The following MRAP variants were observed in gnomAD, a reference collection of about 807,000 sequenced individuals.
MRAP encodes the protein melanocortin 2 receptor accessory protein.
MRAP carries 8 observed loss-of-function variants against 8.7 expected under a neutral mutation model. That is an observed-to-expected ratio of 0.92 (90% CI 0.54 to 1.66). The LOEUF is 1.66. MRAP is among the 40% of genes most tolerant of loss of function. The pLI, the probability that MRAP is intolerant of heterozygous loss-of-function variation, is 0.00. For synonymous variants in MRAP, 95 were observed against 95.5 expected (o/e 1.00, Z 0.03); for missense variants, 237 against 217.1 (o/e 1.09, Z -0.58).
chr21:32,305,049 T>C (rs535022960), intron 1 of MRAP, among the ~76,000 whole-genome samples: 8 of 144,018 alleles, frequency 5.6e-5, no homozygotes, highest in Non-Finnish European at 1.2e-4. Flanking sequence ...CGTAGCTCAC[T>C]TCAGCCTTGA....
Position 32,312,001 on chromosome 21 carries a change from A to G in MRAP, c.*5A>G, listed in dbSNP as rs1423229694. The G allele has an allele frequency of 6.2e-7, 1 of 1,613,114 alleles. No individual in the cohort carries two copies. The highest frequency in any genetic ancestry group is 2.2e-5 in the East Asian group (1 of 44,880). On this transcript the variant is annotated 3_prime_UTR_variant, in exon 3 of 3. Coordinates refer to ENST00000303645, the MANE Select transcript of MRAP (RefSeq NM_001379228.1). ...ACCTCTCAATTGCAGAGCTGATGTCAGTAAATCGTGGCCATAGCTGAGTGA... is the reference window on the plus strand; with the variant it reads ...ACCTCTCAATTGCAGAGCTGATGTCGGTAAATCGTGGCCATAGCTGAGTGA...
In MRAP at chr21:32,312,057, A is replaced by G. The variant is rs1234859325; in HGVS notation, c.*61A>G. The G allele has an allele frequency of 1.2e-6, 2 of 1,608,752 alleles. No homozygotes were observed. Among genetic ancestry groups the G allele is most frequent in the Admixed American group, 1.7e-5 (1 of 59,994 alleles). On this transcript the variant is annotated 3_prime_UTR_variant, in exon 3 of 3. Coordinates refer to ENST00000303645, the MANE Select transcript of MRAP (RefSeq NM_001379228.1). ...TGAAATCAAGCCAACCTGGACACAT[A>G]CGTTCCTCGTTCTTCTTAGAGGCCA...
At chr21:32,306,578 C>T in intron 1 of MRAP, 62 bp from the exon 2 acceptor site, 2 of 1,373,870 alleles carry the variant, frequency 1.5e-6, no homozygotes, top group Non-Finnish European at 2.1e-6. Flanking sequence ...CTCCTTACTG[C>T]CCCTCAGCGT....
chr21:32,306,443 AG>A lies in MRAP; in HGVS notation c.107-196del. The A allele has an allele frequency of 6.2e-6, 4 of 644,946 alleles. No homozygotes were observed. The South Asian group carries it at 6.8e-5, about 11-fold the overall frequency. 40.0% of individuals were successfully genotyped at this position (644,946 alleles called of 1,614,324 possible). Reference sequence around the variant, plus strand: ...CCGTGGCCAGCTGCCCTGAGGAAAAAGACACTTCTTGGCTCCCCTGTTCTTT... The same window carrying A: ...CCGTGGCCAGCTGCCCTGAGGAAAAAACACTTCTTGGCTCCCCTGTTCTTT... On this transcript the variant is annotated intron_variant, in intron 1 of 2. Transcript: ENST00000303645.
At chr21:32,301,557 C>T (rs897582192) in intron 1 of MRAP, among the ~76,000 whole-genome samples, 1 of 152,210 alleles carries the variant, frequency 6.6e-6, no homozygotes. Context: ...TGATCTTCAT[C>T]TGTGCCCTTT....
At chr21:32,295,628 A>G (rs552444560), upstream of MRAP, among the ~76,000 whole-genome samples, 2 of 152,234 alleles carry the variant, frequency 1.3e-5, no homozygotes, top group East Asian at 3.9e-4. Flanking sequence ...CCATTATAAC[A>G]GTATTAGTCT....
At chr21:32,309,401 C>T (rs2123520833) in intron 2 of MRAP, among the ~76,000 whole-genome samples, 1 of 152,172 alleles carries the variant, frequency 6.6e-6, no homozygotes, top group Non-Finnish European at 1.5e-5. Flanking sequence ...CATTTCCGCT[C>T]ACCTTTGGTC....
intron 2 of MRAP, chr21:32,308,735 T>G (rs555792924): frequency 2.0e-5 from 3 of 153,136 alleles, no homozygotes; most frequent in Admixed American, 1.3e-4. Context: ...CTGGTCAGAT[T>G]CTCATCTTTG....
chr21:32,301,732 T>C (rs893343268), intron 1 of MRAP, among the ~76,000 whole-genome samples: 31 of 152,042 alleles, frequency 2.0e-4, no homozygotes, highest in African/African-American at 7.5e-4. Context: ...ACCTCTCAGG[T>C]CAATATATCT....
rs750116132 is a variant in MRAP at position 32,306,639 on chromosome 21, GA to G, written c.107del (p.His36LeufsTer4). On this transcript the variant is annotated frameshift_variant and splice_region_variant, in exon 2 of 3. Coordinates refer to ENST00000303645, the MANE Select transcript of MRAP (RefSeq NM_001379228.1). LOFTEE classifies it high-confidence loss of function. ...VDEKKLKAHK[H>X]SIVIAFWVSL... is the part of the protein sequence containing the mutation. ...CTGAGATGCATCTCCTCCTCCCGCA[GA>G]TTCCATCGTGATCGCATTCTGGGTG... The G allele has an allele frequency of 6.2e-7, 1 of 1,614,048 alleles. No homozygotes were observed. The highest frequency in any genetic ancestry group is 8.5e-7 in the Non-Finnish European group (1 of 1,179,934).
chr21:32,301,059 TATC>T (rs574539472), intron 1 of MRAP, among the ~76,000 whole-genome samples: 117 of 151,530 alleles, frequency 7.7e-4, no homozygotes, highest in South Asian at 5.6e-3. Context: ...ATATATATCA[TATC>T]ATATATCCAT....
Position 32,298,964 on chromosome 21 carries a change from C to T in MRAP, c.-8C>T. On this transcript the variant is annotated 5_prime_UTR_variant, in exon 1 of 3. Coordinates refer to ENST00000303645, the MANE Select transcript of MRAP (RefSeq NM_001379228.1). Reference sequence around the variant, plus strand: ...CGGCCCGGACGCTGACTGCCCAGTGCCACAGACATGGCCAACGGGACCAAC... The same window carrying T: ...CGGCCCGGACGCTGACTGCCCAGTGTCACAGACATGGCCAACGGGACCAAC... 1 of 1,610,760 alleles carries T rather than the reference C, an allele frequency of 6.2e-7. No homozygotes were observed. Among genetic ancestry groups the T allele is most frequent in the Non-Finnish European group, 8.5e-7 (1 of 1,177,016 alleles).
In MRAP at chr21:32,299,034, G is replaced by A; in HGVS notation, c.63G>A (p.Leu21=). 8 of 1,614,186 alleles carry A rather than the reference G, an allele frequency of 5.0e-6. No individual in the cohort carries two copies. The highest frequency in any genetic ancestry group is 1.1e-5 in the South Asian group (1 of 91,084). ...YYSYEYYLDY[L]DLIPVDEKKL... ...GCTATGAATACTACCTGGACTATCT[G>A]GACCTCATTCCCGTGGACGAGAAGA... The change falls in exon 1 of 3, where the codon CTG becomes CTA. Residue 21 remains leucine, a synonymous_variant. Transcript: ENST00000303645.
At chr21:32,292,164 C>G (rs903830841) in intron 1 of MRAP, among the ~76,000 whole-genome samples, 2 of 151,666 alleles carry the variant, frequency 1.3e-5, no homozygotes, top group African/African-American at 4.8e-5. Flanking sequence ...AAAAAGCCCT[C>G]CTGCAGAGAT....
upstream of MRAP, among the ~76,000 whole-genome samples, chr21:32,296,173 C>A (rs1306316562): frequency 6.6e-6 from 1 of 152,080 alleles, no homozygotes; most frequent in Admixed American, 6.5e-5. Flanking sequence ...CCAACCTCCT[C>A]TTCTTATGAA....
Position 32,298,941 on chromosome 21 carries a change from G to T in MRAP, c.-31G>T. On this transcript the variant is annotated 5_prime_UTR_variant, in exon 1 of 3. Coordinates refer to ENST00000303645, the MANE Select transcript of MRAP (RefSeq NM_001379228.1). ...CGCCTGGCTCGAGGCGAGGCTGCCGGCCCGGACGCTGACTGCCCAGTGCCA... is the reference window on the plus strand; with the variant it reads ...CGCCTGGCTCGAGGCGAGGCTGCCGTCCCGGACGCTGACTGCCCAGTGCCA... The T allele has an allele frequency of 6.4e-7, 1 of 1,553,652 alleles. No individual in the cohort carries two copies. The highest frequency in any genetic ancestry group is 1.1e-5 in the South Asian group (1 of 89,638).
chr21:32,308,419 A>G (rs2032471286), intron 2 of MRAP: 1 of 152,700 alleles, frequency 6.5e-6, no homozygotes, highest in Admixed American at 6.5e-5. Context: ...AAAGATCCTT[A>G]CCTTAGGCAC....
In MRAP at chr21:32,305,417, C is replaced by T. The variant is rs188823844; in HGVS notation, c.107-1223C>T. On this transcript the variant is annotated intron_variant, in intron 1 of 2. Transcript: ENST00000303645. ...ATACCAATCTTCACCCCAGAGCCTC[C>T]ACCTCTGCCTCTATGTAGATTACTC... is the stretch of plus-strand genomic sequence containing the variant. Among the ~76,000 whole-genome samples the T allele has an allele frequency of 3.0e-4, 45 of 152,296 alleles. No homozygotes were observed. In the East Asian group the frequency reaches 7.0e-3, roughly 24 times the overall value.
chr21:32,305,338 T>C (rs542555721), intron 1 of MRAP, among the ~76,000 whole-genome samples: 2 of 152,292 alleles, frequency 1.3e-5, no homozygotes, highest in South Asian at 2.1e-4. Context: ...GTCCTCAGTT[T>C]TTCCTGCTAT....
Sources: gnomAD v4.1 joint callset for allele counts (sites outside exome capture counted in the v4.1 genomes callset) on GRCh38, gnomAD v4.1.1 for gene constraint, MANE v1.5 for transcripts, NCBI Gene and HGNC (gene_info 2026-07-23, HGNC 2026-07-21) for gene names.